Variants in SMC3 observed in about 807,000 individuals in gnomAD.
SMC3 encodes structural maintenance of chromosomes protein 3.
In SMC3, 20 loss-of-function variants were observed where a neutral mutation model predicts 171.8. The ratio of observed to expected loss-of-function variants is 0.12; its 90% CI spans 0.08 to 0.17. The LOEUF (loss-of-function observed/expected upper bound fraction) is 0.17. SMC3 is among the 10% of genes least tolerant of loss of function. The pLI is 1.00. For missense variants in SMC3, 543 were observed against 1,420.4 expected, an observed-to-expected ratio of 0.38 and a Z score of 9.93; for synonymous variants, 464 against 451.1, an observed-to-expected ratio of 1.03 and a Z score of -0.36.
Position 110,582,603 on chromosome 10 carries a change from A to G in SMC3, c.765A>G (p.Gln255=), listed in dbSNP as rs1464292788. 4.3e-6 allele frequency: 7 copies of G among 1,613,770 alleles called. No individual in the cohort carries two copies. Among genetic ancestry groups the G allele is most frequent in the Non-Finnish European group, 5.9e-6 (7 of 1,179,754 alleles). ...KRETSGEKSR[Q]LRDAQQDARD... The stretch of plus-strand genomic sequence containing the variant: ...AGACTAGTGGAGAAAAATCCAGACA[A>G]TTAAGAGATGCTCAGCAGGATGCAA... Residue 255 remains glutamine, a synonymous_variant, in exon 10 of 29, where the codon CAA becomes CAG. Transcript: ENST00000361804.
chr10:110,593,982 T>C (rs1861252547), intron 18 of SMC3, among the ~76,000 whole-genome samples: 1 of 152,072 alleles, frequency 6.6e-6, no homozygotes, highest in African/African-American at 2.4e-5. Context: ...AGCAAGATCC[T>C]GTCTCAAAAA....
At chr10:110,579,210 T>C (rs10884991) in intron 7 of SMC3, among the ~76,000 whole-genome samples, 17,039 of 151,420 alleles carry the variant, frequency 0.11, 1,142 homozygotes, top group East Asian at 0.26. Context: ...ATACTTTCAC[T>C]TTTTTTTTGG....
At chr10:110,587,173 G>T (rs1590559265) in intron 13 of SMC3, among the ~76,000 whole-genome samples, 1 of 152,180 alleles carries the variant, frequency 6.6e-6, no homozygotes, top group Non-Finnish European at 1.5e-5. Flanking sequence ...AACTGCTGTG[G>T]AGAAGGGGAA....
chr10:110,575,403 TGTGA>T lies in SMC3; in HGVS notation c.198+6_198+9del. The T allele has an allele frequency of 3.7e-6, 6 of 1,607,126 alleles. No individual in the cohort carries two copies. The highest frequency in any genetic ancestry group is 5.1e-6 in the Non-Finnish European group (6 of 1,173,772). On this transcript the variant is annotated splice_donor_variant and splice_donor_region_variant and intron_variant, in intron 4 of 28. Coordinates refer to ENST00000361804, the MANE Select transcript of SMC3 (RefSeq NM_005445.4). LOFTEE classifies it high-confidence loss of function. The stretch of plus-strand genomic sequence containing the variant: ...CAGAACAGCGGTTGGCTTTATTGCA[TGTGA>T]GTGAGACTGCTTTAAGACATTATTG...
At chr10:110,572,067 T>G (rs1442237836) in intron 2 of SMC3, among the ~76,000 whole-genome samples, 3 of 152,206 alleles carry the variant, frequency 2.0e-5, no homozygotes, top group Non-Finnish European at 4.4e-5. Flanking sequence ...GTTTCAAATT[T>G]ACAGAAAAAT....
rs200378516 is a variant in SMC3 at position 110,577,927 on chromosome 10, CT to C, written c.350+21del. 51 of 1,580,490 alleles carry C rather than the reference CT, an allele frequency of 3.2e-5. No individual in the cohort carries two copies. Among genetic ancestry groups the C allele is most frequent in the Admixed American group, 8.4e-5 (5 of 59,872 alleles). ...AGAAGATGGTCACGTAAGCATTTTT[CT>C]TTTTTTTAAAAAAACTGAATATGTA... is the stretch of plus-strand genomic sequence containing the variant. On this transcript the variant is annotated intron_variant, in intron 6 of 28. Transcript: ENST00000361804.
At chr10:110,577,192 GT>G (rs1169721876) in intron 4 of SMC3, among the ~76,000 whole-genome samples, 1 of 152,040 alleles carries the variant, frequency 6.6e-6, no homozygotes, top group Non-Finnish European at 1.5e-5. Flanking sequence ...CGTCTCTGCT[GT>G]TTTGGCAAGA....
At chr10:110,587,078 A>C (rs1208553317) in intron 13 of SMC3, among the ~76,000 whole-genome samples, 1 of 152,160 alleles carries the variant, frequency 6.6e-6, no homozygotes, top group African/African-American at 2.4e-5. Context: ...ATTACAGTTC[A>C]TTTATGTGAT....
intron 4 of SMC3, among the ~76,000 whole-genome samples, chr10:110,576,052 C>T (rs937968556): frequency 3.3e-5 from 5 of 152,044 alleles, no homozygotes; most frequent in African/African-American, 9.7e-5. Flanking sequence ...CAACTTACAG[C>T]GGGGTTATGT....
intron 17 of SMC3, among the ~76,000 whole-genome samples, chr10:110,592,455 A>G (rs145495884): frequency 2.0e-5 from 3 of 152,252 alleles, no homozygotes; most frequent in African/African-American, 7.2e-5. Flanking sequence ...ATTAATTTAC[A>G]CTGAATACTT....
rs562761307 is a variant in SMC3, at chr10:110,600,953, A to G, written c.2536-69A>G. 1.8e-5 allele frequency: 20 copies of G among 1,113,968 alleles called. No individual in the cohort carries two copies. The South Asian group carries it at 2.5e-4, about 14-fold the overall frequency. The allele number at this position is 1,113,968 out of a possible 1,614,324, so 69.0% of individuals were successfully genotyped here. Reference sequence around the variant, plus strand: ...TTTGTTTTCTTGAATGTTTATTCAGACAATAGCCATAGAAAATGTTGGCAG... The same window carrying G: ...TTTGTTTTCTTGAATGTTTATTCAGGCAATAGCCATAGAAAATGTTGGCAG... On this transcript the variant is annotated intron_variant, in intron 22 of 28. Coordinates refer to ENST00000361804, the MANE Select transcript of SMC3 (RefSeq NM_005445.4).
chr10:110,578,579 G>T, intron 6 of SMC3, 49 bp from the exon 7 acceptor site: 1 of 1,386,844 alleles, frequency 7.2e-7, no homozygotes, highest in Non-Finnish European at 1.0e-6. Context: ...ATTGCTTAAT[G>T]GTGCTTTAAA....
At chr10:110,597,308 G>A (rs558673563) in intron 19 of SMC3, among the ~76,000 whole-genome samples, 2 of 152,120 alleles carry the variant, frequency 1.3e-5, no homozygotes, top group South Asian at 2.1e-4. Context: ...TGCATGAGGA[G>A]TGGTTAGTTC....
At chr10:110,596,645 A>G in intron 19 of SMC3, 95 bp downstream of exon 19, 1 of 1,211,200 alleles carries the variant, frequency 8.3e-7, no homozygotes, top group Admixed American at 2.5e-5. Context: ...ACATATTAAA[A>G]ATTTCTTGTG....
At chr10:110,569,825 A>G (rs1054239053) in intron 2 of SMC3, among the ~76,000 whole-genome samples, 1 of 152,220 alleles carries the variant, frequency 6.6e-6, no homozygotes, top group Admixed American at 6.5e-5. Context: ...TAGATTGCTC[A>G]GATTGTAGTG....
chr10:110,572,757 A>C (rs954332697), intron 2 of SMC3, among the ~76,000 whole-genome samples: 1 of 152,190 alleles, frequency 6.6e-6, no homozygotes, highest in Non-Finnish European at 1.5e-5. Flanking sequence ...TCTGACGGTC[A>C]CAAAATGATT....
intron 19 of SMC3, 50 bp downstream of exon 19, chr10:110,596,600 T>G: frequency 1.6e-5 from 25 of 1,554,894 alleles, no homozygotes; most frequent in Non-Finnish European, 2.2e-5. Flanking sequence ...GGAAGAACTG[T>G]GTTTTGGTTG....
At position 110,581,903 on chromosome 10, in the gene SMC3, C is replaced by T. The variant is rs1286938374; in HGVS notation, c.548-20C>T. On this transcript the variant is annotated intron_variant, in intron 8 of 28. Coordinates refer to ENST00000361804, the MANE Select transcript of SMC3 (RefSeq NM_005445.4). ...AAAATCTTATTCAATTCTTCCACCT[C>T]TCTCCCCATTTCTTTTAAGAGGGCA... 1.2e-6 allele frequency: 2 copies of T among 1,601,210 alleles called. No homozygotes were observed. Among genetic ancestry groups the T allele is most frequent in the Non-Finnish European group, 8.6e-7 (1 of 1,169,120 alleles).
chr10:110,586,411 TAG>T (rs1365155675), intron 13 of SMC3, among the ~76,000 whole-genome samples: 1 of 152,238 alleles, frequency 6.6e-6, no homozygotes, highest in African/African-American at 2.4e-5. Flanking sequence ...ATGGTTAGTA[TAG>T]TCTGAACTGA....
Sources: gnomAD v4.1 joint callset for allele counts (sites outside exome capture counted in the v4.1 genomes callset) on GRCh38, gnomAD v4.1.1 for gene constraint, MANE v1.5 for transcripts, NCBI Gene and HGNC (gene_info 2026-07-23, HGNC 2026-07-21) for gene names.